PKP4: variants seen among roughly 807,000 people sequenced by gnomAD.
The protein encoded by PKP4 is plakophilin-4.
PKP4 carries 90 observed loss-of-function variants against 145.1 expected under a neutral mutation model. That is an observed-to-expected ratio of 0.62 (90% CI 0.52 to 0.74). The LOEUF (loss-of-function observed/expected upper bound fraction) is 0.74. Among genes scored for constraint, PKP4 ranks in the 30% least tolerant of loss-of-function variants. The pLI is 0.00. For synonymous variants in PKP4, 563 were observed against 577.2 expected (o/e 0.98, Z 0.35); for missense variants, 1,340 against 1,482.7 (o/e 0.90, Z 1.58).
Position 158,562,454 on chromosome 2 carries a change from CAG to C in PKP4, c.133-14815_133-14814del, listed in dbSNP as rs149170114. Among the ~76,000 whole-genome samples, 282 of 152,186 alleles carry C rather than the reference CAG, an allele frequency of 1.9e-3. 8 individuals are homozygous for C. In the East Asian group the frequency reaches 0.045, roughly 24 times the overall value. On this transcript the variant is annotated intron_variant, in intron 2 of 21. Coordinates refer to ENST00000389759, the MANE Select transcript of PKP4 (RefSeq NM_003628.6). ...CCTAGAGTAGTCGAATTCATAGAGA[CAG>C]AAAGCACAGTGGTGGTTGCCAGAGG... is the stretch of plus-strand genomic sequence containing the variant.
In PKP4 at chr2:158,633,079, C is replaced by T. The variant is rs78739360; in HGVS notation, c.1343-991C>T. Reference sequence around the variant, plus strand: ...CATTTGATATATCAGTCTTCTTTCCCTCTTGTGAAGTAGATTTTCCAGTGT... The same window carrying T: ...CATTTGATATATCAGTCTTCTTTCCTTCTTGTGAAGTAGATTTTCCAGTGT... On this transcript the variant is annotated intron_variant, in intron 8 of 21. Transcript: ENST00000389759. Among the ~76,000 whole-genome samples the T allele has an allele frequency of 1.0e-3, 159 of 152,264 alleles. 3 individuals are homozygous for T. In the East Asian group the frequency reaches 0.029, roughly 28 times the overall value.
At chr2:158,661,069 A>G (rs764444811) in intron 12 of PKP4, 2 of 260,502 alleles carry the variant, frequency 7.7e-6, no homozygotes, top group Non-Finnish European at 7.5e-6. Flanking sequence ...ATAGGCCCCT[A>G]AAGAATTATA....
At chr2:158,601,654 C>T (rs1208693908) in intron 3 of PKP4, among the ~76,000 whole-genome samples, 2 of 152,172 alleles carry the variant, frequency 1.3e-5, no homozygotes, top group South Asian at 2.1e-4. Context: ...AGGAGATTAG[C>T]ATTAACTGAT....
chr2:158,633,587 C>T (rs967358461), intron 8 of PKP4, among the ~76,000 whole-genome samples: 4 of 152,154 alleles, frequency 2.6e-5, no homozygotes, highest in South Asian at 4.1e-4. Flanking sequence ...CAATTGACCA[C>T]GGGTAACTGA....
intron 11 of PKP4, among the ~76,000 whole-genome samples, chr2:158,645,102 CTAAAT>C (rs2054699158): frequency 1.3e-5 from 2 of 152,070 alleles, no homozygotes; most frequent in Non-Finnish European, 2.9e-5. Context: ...CCCTTGTACT[CTAAAT>C]AAAATACCAA....
chr2:158,626,510 G>C (rs1322545760), intron 7 of PKP4, among the ~76,000 whole-genome samples: 2 of 152,150 alleles, frequency 1.3e-5, no homozygotes, highest in Non-Finnish European at 2.9e-5. Context: ...TAAGTACTAG[G>C]GTAACTGGGA....
intron 2 of PKP4, among the ~76,000 whole-genome samples, chr2:158,542,783 C>G (rs796107087): frequency 6.6e-6 from 1 of 151,584 alleles, no homozygotes; most frequent in Non-Finnish European, 1.5e-5. Context: ...CTACTACTAC[C>G]ACCACCACCA....
At chr2:158,501,383 G>T (rs960073106) in intron 1 of PKP4, among the ~76,000 whole-genome samples, 4 of 152,172 alleles carry the variant, frequency 2.6e-5, no homozygotes, top group African/African-American at 9.7e-5. Flanking sequence ...ATTGCTACAT[G>T]CCAGGTTGGT....
chr2:158,479,990 A>G (rs984457750), intron 1 of PKP4, among the ~76,000 whole-genome samples: 6 of 152,160 alleles, frequency 3.9e-5, no homozygotes, highest in Non-Finnish European at 5.9e-5. Context: ...GCTGAGGAGG[A>G]TATCAGAAAG....
At chr2:158,533,404 C>T (rs770176906) in intron 2 of PKP4, 88 bp downstream of exon 2, 32 of 1,430,234 alleles carry the variant, frequency 2.2e-5, no homozygotes, top group Middle Eastern at 1.7e-4. Context: ...ATTTGTGTAA[C>T]GTCCTTGACG....
chr2:158,622,602 G>A (rs2052362191), intron 6 of PKP4, among the ~76,000 whole-genome samples: 1 of 152,170 alleles, frequency 6.6e-6, no homozygotes, highest in Non-Finnish European at 1.5e-5. Flanking sequence ...AACGCCCACA[G>A]AGAAACATAA....
At chr2:158,665,783 A>T (rs931064876) in intron 15 of PKP4, 15 of 152,332 alleles carry the variant, frequency 9.8e-5, no homozygotes, top group African/African-American at 2.6e-4. Flanking sequence ...ATGGATTTTT[A>T]AAAAACAGCA....
At chr2:158,532,459 CAGAG>C (rs1278600378) in intron 1 of PKP4, among the ~76,000 whole-genome samples, 5 of 152,176 alleles carry the variant, frequency 3.3e-5, no homozygotes, top group East Asian at 3.8e-4. Flanking sequence ...CACTAGAAGA[CAGAG>C]AGACTGATGT....
intron 2 of PKP4, among the ~76,000 whole-genome samples, chr2:158,571,679 T>C (rs2047419298): frequency 6.6e-6 from 1 of 152,142 alleles, no homozygotes; most frequent in African/African-American, 2.4e-5. Context: ...GTTTGTAAAC[T>C]GGAATGAGAC....
intron 1 of PKP4, among the ~76,000 whole-genome samples, chr2:158,476,936 C>T (rs762087257): frequency 6.6e-6 from 1 of 152,114 alleles, no homozygotes; most frequent in African/African-American, 2.4e-5. Flanking sequence ...CATATTCTTA[C>T]TCTATTAAAT....
intron 1 of PKP4, among the ~76,000 whole-genome samples, chr2:158,529,649 A>G (rs188715739): frequency 1.3e-5 from 2 of 152,312 alleles, no homozygotes; most frequent in East Asian, 3.9e-4. Flanking sequence ...ACACAGCATA[A>G]GATCACTTAG....
chr2:158,546,354 T>TA (rs2045038000), intron 2 of PKP4, among the ~76,000 whole-genome samples: 1 of 152,224 alleles, frequency 6.6e-6, no homozygotes, highest in African/African-American at 2.4e-5. Context: ...GTAACTGCTT[T>TA]CAGAGTGAAG....
At chr2:158,608,986 G>T (rs1013984649) in intron 4 of PKP4, among the ~76,000 whole-genome samples, 1 of 150,388 alleles carries the variant, frequency 6.6e-6, no homozygotes, top group Non-Finnish European at 1.5e-5. Flanking sequence ...GCTAATTTTT[G>T]TTTTTTTTAA....
Position 158,634,500 on chromosome 2 carries a change from CATA to C in PKP4, c.1562+216_1562+218del, listed in dbSNP as rs946591561. ...GATAGATTCCTTCTTTCCATCCTTT[CATA>C]ATAAGTTAGAGAAGGCACAGATCCA... On this transcript the variant is annotated intron_variant, in intron 9 of 21. Coordinates refer to ENST00000389759, the MANE Select transcript of PKP4 (RefSeq NM_003628.6). Among the ~76,000 whole-genome samples, 24 of 152,144 alleles carry C rather than the reference CATA, an allele frequency of 1.6e-4. 1 individual carries two copies. The highest frequency in any genetic ancestry group is 2.6e-4 in the Admixed American group (4 of 15,274).
Sources: allele counts gnomAD v4.1 joint callset (sites outside exome capture counted in the v4.1 genomes callset), GRCh38; gene constraint gnomAD v4.1.1; transcripts MANE v1.5; gene names NCBI Gene and HGNC (gene_info 2026-07-23, HGNC 2026-07-21).